LZTS1: variants seen among roughly 807,000 people sequenced by gnomAD.
LZTS1 encodes leucine zipper putative tumor suppressor 1.
LZTS1 carries 31 observed loss-of-function variants against 45.8 expected under a neutral mutation model. The ratio of observed to expected loss-of-function variants is 0.68; its 90% CI spans 0.51 to 0.91. The LOEUF (loss-of-function observed/expected upper bound fraction) is 0.91, where lower values mean the gene tolerates loss of function less well. Among genes scored for constraint, LZTS1 ranks in the 40% least tolerant of loss-of-function variants. The probability of loss-of-function intolerance (pLI) is 0.00; values close to 1 mark genes in which losing one functional copy is unlikely to be tolerated. For synonymous variants in LZTS1, 359 were observed against 357.3 expected (o/e 1.00, Z -0.05); for missense variants, 821 against 788.9 (o/e 1.04, Z -0.49).
intron 2 of LZTS1, among the ~76,000 whole-genome samples, chr8:20,253,845 C>T (rs1292753576): frequency 6.6e-6 from 1 of 152,152 alleles, no homozygotes; most frequent in Non-Finnish European, 1.5e-5. Context: ...CTTGCCCCAG[C>T]CCTCCCGAGG....
chr8:20,255,033 G>C lies in LZTS1; in HGVS notation c.149C>G (p.Ser50Cys), dbSNP rs34620053. The change falls in exon 2 of 4, where the codon TCC becomes TGC. Residue 50 changes from serine (S) to cysteine (C), a missense_variant. Ser to Cys is a moderately radical substitution (Grantham distance 112). Transcript: ENST00000381569. ...TTTGGAGCTGGACTTGCCGTGACCG[G>C]AGTCCTGGGAGAAGCCAAACCTCAG... ...GLLRFGFSQDSGHGKSSSKMG... is the reference protein window; with the variant it reads ...GLLRFGFSQDCGHGKSSSKMG... 1.2e-6 allele frequency: 2 copies of C among 1,614,100 alleles called. No individual in the cohort carries two copies. Among genetic ancestry groups the C allele is most frequent in the Non-Finnish European group, 1.7e-6 (2 of 1,180,048 alleles).
Position 20,303,911 on chromosome 8 carries a change from C to T in LZTS1, c.-306G>A. The T allele has an allele frequency of 1.0e-6, 1 of 984,450 alleles. No individual in the cohort carries two copies. Among genetic ancestry groups the T allele is most frequent in the Non-Finnish European group, 1.2e-6 (1 of 829,564 alleles). The allele number at this position is 984,450 out of a possible 1,614,324, so 61.0% of individuals were successfully genotyped here. ...CCGAGGCGGGCAGAGAAACTTTCGGCCTCCCCGCCCGGCCGCTGCCAACCC... is the reference window on the plus strand; with the variant it reads ...CCGAGGCGGGCAGAGAAACTTTCGGTCTCCCCGCCCGGCCGCTGCCAACCC... On this transcript the variant is annotated 5_prime_UTR_variant, in exon 1 of 4. Transcript: ENST00000381569.
At chr8:20,270,835 G>T (rs1270720565) in intron 1 of LZTS1, among the ~76,000 whole-genome samples, 1 of 146,066 alleles carries the variant, frequency 6.8e-6, no homozygotes, top group East Asian at 2.1e-4. Flanking sequence ...GTGTGTGTTT[G>T]TGTGTGTGGA....
chr8:20,253,388 G>C lies in LZTS1; in HGVS notation c.543C>G (p.Ser181Arg). 1.2e-6 allele frequency: 2 copies of C among 1,612,882 alleles called. No homozygotes were observed. The highest frequency in any genetic ancestry group is 1.3e-5 in the African/African-American group (1 of 75,034). The change falls in exon 3 of 4, where the codon AGC (serine) becomes AGG (arginine). Residue 181 changes from serine to arginine, a missense_variant. Physicochemically the swap from Ser to Arg is moderately radical, Grantham distance 110. Coordinates refer to ENST00000381569, the MANE Select transcript of LZTS1 (RefSeq NM_021020.5). The stretch of plus-strand genomic sequence containing the variant: ...TGCTGCTGGTGCTGTGTGTGGGCAG[G>C]CTGGACATGGAGTTCCGGCCGGAGT... Reference protein sequence around the residue: ...LSDSGRNSMSSLPTHSTSSSY... With the variant: ...LSDSGRNSMSRLPTHSTSSSY...
chr8:20,252,066 A>T (rs1402488786), intron 3 of LZTS1, among the ~76,000 whole-genome samples: 5 of 152,132 alleles, frequency 3.3e-5, no homozygotes, highest in African/African-American at 1.2e-4. Context: ...GATGGGCTTG[A>T]ACTCCATGAG....
At chr8:20,283,780 G>C (rs1052364517) in intron 1 of LZTS1, among the ~76,000 whole-genome samples, 1 of 152,086 alleles carries the variant, frequency 6.6e-6, no homozygotes, top group African/African-American at 2.4e-5. Context: ...AGGGACTCAG[G>C]GTCTTCTGGC....
intron 2 of LZTS1, among the ~76,000 whole-genome samples, chr8:20,254,412 AC>A (rs1800033524): frequency 6.6e-6 from 1 of 151,834 alleles, no homozygotes; most frequent in Admixed American, 6.6e-5. Flanking sequence ...GACCGCACCC[AC>A]CCCCACGAGT....
intron 3 of LZTS1, among the ~76,000 whole-genome samples, chr8:20,251,144 TATATAA>T (rs1210506240): frequency 0.012 from 1,330 of 108,780 alleles, 119 homozygotes; most frequent in Non-Finnish European, 0.017. Flanking sequence ...TATATATATA[TATATAA>T]AATATAAAGT....
rs117110956 is a variant in LZTS1 at position 20,296,829 on chromosome 8, C to T, written c.-135+6911G>A. Among the ~76,000 whole-genome samples, 9 of 152,332 alleles carry T rather than the reference C, an allele frequency of 5.9e-5. No individual in the cohort carries two copies. In the East Asian group the frequency reaches 1.5e-3, roughly 26 times the overall value. ...ACATCTATTGGCGATCTCCATGGGG[C>T]AGCTCTTTGCTGTCTTTGTTCCAGG... On this transcript the variant is annotated intron_variant, in intron 1 of 3. Coordinates refer to ENST00000381569, the MANE Select transcript of LZTS1 (RefSeq NM_021020.5).
chr8:20,259,851 C>T (rs1362947463), intron 1 of LZTS1, among the ~76,000 whole-genome samples: 1 of 152,114 alleles, frequency 6.6e-6, no homozygotes, highest in Non-Finnish European at 1.5e-5. Flanking sequence ...CCTGTTTATT[C>T]CCTGTGTAAG....
At chr8:20,303,348 G>T (rs1375672699) in intron 1 of LZTS1, among the ~76,000 whole-genome samples, 13 of 152,118 alleles carry the variant, frequency 8.5e-5, no homozygotes, top group Admixed American at 8.5e-4. Flanking sequence ...TCTTCCTGCG[G>T]CCCCTGCTCC....
In LZTS1 at chr8:20,255,633, TGGTACCAGTGCTGCG is replaced by T. The variant is rs959178741; in HGVS notation, c.-134-333_-134-319del. ...GCAAACCAATGTATACTATAGCAAG[TGGTACCAGTGCTGCG>T]GGTACCAGTGCTGCGGGTACCAGTG... is the stretch of plus-strand genomic sequence containing the variant. On this transcript the variant is annotated intron_variant, in intron 1 of 3. Transcript: ENST00000381569. Among the ~76,000 whole-genome samples, 613 of 152,064 alleles carry T rather than the reference TGGTACCAGTGCTGCG, an allele frequency of 4.0e-3. 3 individuals are homozygous for T. The highest frequency in any genetic ancestry group is 0.027 in the Middle Eastern group (8 of 294).
chr8:20,249,825 G>A lies in LZTS1; in HGVS notation c.1688C>T (p.Ala563Val). 1.2e-6 allele frequency: 2 copies of A among 1,614,168 alleles called. No homozygotes were observed. The highest frequency in any genetic ancestry group is 1.7e-6 in the Non-Finnish European group (2 of 1,180,024). ...MYQRNQRLEK[A>V]LQQLARGDSA... The stretch of plus-strand genomic sequence containing the variant: ...GTCCCCACGTGCCAGCTGCTGCAGG[G>A]CCTTCTCCAGGCGCTGGTTCCGCTG... Residue 563 changes from alanine (A) to valine (V), a missense_variant, in exon 4 of 4, where the codon GCC becomes GTC. Ala to Val is a moderately conservative substitution (Grantham distance 64). Coordinates refer to ENST00000381569, the MANE Select transcript of LZTS1 (RefSeq NM_021020.5).
rs552742777 is a variant in LZTS1 at position 20,282,961 on chromosome 8, G to A, written c.-135+20779C>T. Among the ~76,000 whole-genome samples, 288 of 152,246 alleles carry A rather than the reference G, an allele frequency of 1.9e-3. 3 individuals are homozygous for A. The highest frequency in any genetic ancestry group is 6.7e-3 in the African/African-American group (278 of 41,538). On this transcript the variant is annotated intron_variant, in intron 1 of 3. Transcript: ENST00000381569. The stretch of plus-strand genomic sequence containing the variant: ...TTTCAAGAATAGAATTCTTTGAATA[G>A]AATAGAATAAAATAGGACACTTTCT...
At chr8:20,255,462 T>G in intron 1 of LZTS1, 147 bp from the exon 2 acceptor site, 1 of 480,744 alleles carries the variant, frequency 2.1e-6, no homozygotes, top group Non-Finnish European at 3.5e-6. Flanking sequence ...CCTTCTTCCT[T>G]TGTCTGATAA....
intron 1 of LZTS1, among the ~76,000 whole-genome samples, chr8:20,271,181 G>A (rs1010821714): frequency 1.3e-5 from 2 of 152,092 alleles, no homozygotes; most frequent in Admixed American, 6.6e-5. Context: ...TGATGTGTCT[G>A]GCTGAGGAAT....
intron 1 of LZTS1, among the ~76,000 whole-genome samples, chr8:20,258,263 C>A (rs990186835): frequency 3.3e-5 from 5 of 152,190 alleles, no homozygotes; most frequent in Non-Finnish European, 7.3e-5. Context: ...TCGCTGAGCT[C>A]TAAATTATAC....
intron 1 of LZTS1, among the ~76,000 whole-genome samples, chr8:20,266,419 A>G (rs1464811099): frequency 6.6e-6 from 1 of 152,190 alleles, no homozygotes; most frequent in Non-Finnish European, 1.5e-5. Flanking sequence ...CTGGGAAGGC[A>G]TGTGACTTAA....
chr8:20,303,017 G>A (rs530723469), intron 1 of LZTS1, among the ~76,000 whole-genome samples: 2 of 152,262 alleles, frequency 1.3e-5, no homozygotes, highest in South Asian at 4.2e-4. Context: ...GGGTGGAGGG[G>A]TGAGGTCTGG....
Sources: allele counts gnomAD v4.1 joint callset (sites outside exome capture counted in the v4.1 genomes callset), GRCh38; gene constraint gnomAD v4.1.1; transcripts MANE v1.5; gene names NCBI Gene and HGNC (gene_info 2026-07-23, HGNC 2026-07-21).